Variants in PPP1R16B observed in about 807,000 individuals in gnomAD.
The protein encoded by PPP1R16B is protein phosphatase 1 regulatory inhibitor subunit 16B.
In PPP1R16B, 14 loss-of-function variants were observed where a neutral mutation model predicts 61.7. The ratio of observed to expected loss-of-function variants is 0.23; its 90% confidence interval spans 0.15 to 0.35. The LOEUF (loss-of-function observed/expected upper bound fraction) is 0.35. Among genes scored for constraint, PPP1R16B ranks in the 10% least tolerant of loss-of-function variants. The pLI is 1.00. For synonymous variants in PPP1R16B, 266 were observed against 305.3 expected (o/e 0.87, Z 1.34); for missense variants, 547 against 752.5 (o/e 0.73, Z 3.19).
At chr20:38,846,903 G>T (rs2084938727) in intron 2 of PPP1R16B, among the ~76,000 whole-genome samples, 1 of 152,190 alleles carries the variant, frequency 6.6e-6, no homozygotes, top group African/African-American at 2.4e-5. Flanking sequence ...AACTTGCGGG[G>T]TGGAGGTGGG....
intron 1 of PPP1R16B, among the ~76,000 whole-genome samples, chr20:38,825,220 G>A (rs991786561): frequency 6.6e-6 from 1 of 152,218 alleles, no homozygotes; most frequent in Non-Finnish European, 1.5e-5. Context: ...AAGGGTGTCA[G>A]TGGCGACAGT....
intron 2 of PPP1R16B, among the ~76,000 whole-genome samples, chr20:38,857,213 C>G (rs1011984994): frequency 1.6e-4 from 24 of 152,224 alleles, no homozygotes; most frequent in African/African-American, 5.8e-4. Context: ...GACAAAGAAA[C>G]AGAAGGCTCC....
intron 2 of PPP1R16B, among the ~76,000 whole-genome samples, chr20:38,840,024 C>A (rs573458182): frequency 6.6e-6 from 1 of 152,336 alleles, no homozygotes; most frequent in East Asian, 1.9e-4. Flanking sequence ...GGGAAGGGGC[C>A]AGAATACTGT....
chr20:38,808,092 C>A (rs1180062294), intron 1 of PPP1R16B, among the ~76,000 whole-genome samples: 1 of 152,196 alleles, frequency 6.6e-6, no homozygotes, highest in South Asian at 2.1e-4. Context: ...AAAGCCAGAA[C>A]CTTTCTCCTT....
At chr20:38,880,967 C>T (rs559311506) in intron 2 of PPP1R16B, among the ~76,000 whole-genome samples, 31 of 152,328 alleles carry the variant, frequency 2.0e-4, no homozygotes, top group African/African-American at 6.7e-4. Context: ...CGTCTTCACA[C>T]GGTTGTCCAA....
At chr20:38,913,842 G>A (rs1400113036) in intron 10 of PPP1R16B, among the ~76,000 whole-genome samples, 2 of 152,092 alleles carry the variant, frequency 1.3e-5, no homozygotes, top group Admixed American at 1.3e-4. Context: ...TTACCCTCAG[G>A]GTGAGTCAAA....
intron 4 of PPP1R16B, among the ~76,000 whole-genome samples, chr20:38,896,096 C>T (rs2085343224): frequency 8.3e-6 from 1 of 120,112 alleles, no homozygotes; most frequent in Admixed American, 8.3e-5. Context: ...TTCTGCCTTT[C>T]TTCTGTCTCC....
chr20:38,864,993 C>T (rs968804245), intron 2 of PPP1R16B, among the ~76,000 whole-genome samples: 3 of 152,180 alleles, frequency 2.0e-5, no homozygotes, highest in Non-Finnish European at 2.9e-5. Context: ...GGAATCATGC[C>T]GGTGGCCTCG....
At chr20:38,890,321 G>A (rs778078894) in intron 3 of PPP1R16B, among the ~76,000 whole-genome samples, 16 of 152,200 alleles carry the variant, frequency 1.1e-4, no homozygotes, top group Non-Finnish European at 2.2e-4. Context: ...CCCATAATCT[G>A]GGGATAAAGA....
intron 10 of PPP1R16B, among the ~76,000 whole-genome samples, chr20:38,908,771 A>G (rs2085466473): frequency 6.6e-6 from 1 of 152,206 alleles, no homozygotes; most frequent in Non-Finnish European, 1.5e-5. Flanking sequence ...ATGGCTTAAC[A>G]TGGTGGAAAT....
intron 1 of PPP1R16B, among the ~76,000 whole-genome samples, chr20:38,829,832 T>C (rs568374098): frequency 6.6e-5 from 10 of 152,242 alleles, no homozygotes; most frequent in South Asian, 2.1e-4. Context: ...TGCGGGTCTA[T>C]TGGGGGAAAC....
rs190080447 is a variant in PPP1R16B at position 38,818,069 on chromosome 20, G to A, written c.-102+12277G>A. 7.2e-5 allele frequency among the ~76,000 whole-genome samples: 11 copies of A among 152,282 alleles called. No homozygotes were observed. In the East Asian group the frequency reaches 1.4e-3, roughly 19 times the overall value. ...AAAAACAAAACAAAACAAAAACAGCGTGTGTGAAAGTGAGGAGGTTAGTGT... is the reference window on the plus strand; with the variant it reads ...AAAAACAAAACAAAACAAAAACAGCATGTGTGAAAGTGAGGAGGTTAGTGT... On this transcript the variant is annotated intron_variant, in intron 1 of 10. Coordinates refer to ENST00000299824, the MANE Select transcript of PPP1R16B (RefSeq NM_015568.4).
At chr20:38,809,051 A>AAAAG (rs11472915) in intron 1 of PPP1R16B, among the ~76,000 whole-genome samples, 110,723 of 150,930 alleles carry the variant, frequency 0.73, 40,740 homozygotes, top group African/African-American at 0.77. Flanking sequence ...AAAGAAAAAA[A>AAAAG]AAAGTGCTCA....
rs538579863 is a variant in PPP1R16B, at chr20:38,856,268, A to G, written c.250+20093A>G. 7.9e-5 allele frequency among the ~76,000 whole-genome samples: 12 copies of G among 152,134 alleles called. No individual in the cohort carries two copies. In the East Asian group the frequency reaches 2.3e-3, roughly 29 times the overall value. On this transcript the variant is annotated intron_variant, in intron 2 of 10. Coordinates refer to ENST00000299824, the MANE Select transcript of PPP1R16B (RefSeq NM_015568.4). Reference sequence around the variant, plus strand: ...ACTTGATGATGAAGGCCAGGCACAAAGTGGGAGTTACTGCAGTGGGGCAAC... The same window carrying G: ...ACTTGATGATGAAGGCCAGGCACAAGGTGGGAGTTACTGCAGTGGGGCAAC...
At chr20:38,840,960 T>C (rs2084905565) in intron 2 of PPP1R16B, among the ~76,000 whole-genome samples, 1 of 152,202 alleles carries the variant, frequency 6.6e-6, no homozygotes, top group Admixed American at 6.5e-5. Context: ...TCTACACTAT[T>C]CTACATTTAC....
At chr20:38,867,063 C>T (rs992207067) in intron 2 of PPP1R16B, among the ~76,000 whole-genome samples, 1 of 152,176 alleles carries the variant, frequency 6.6e-6, no homozygotes, top group Non-Finnish European at 1.5e-5. Flanking sequence ...GGTTCATCCA[C>T]GCTGTAGCAT....
chr20:38,896,088 C>G (rs536013935), intron 4 of PPP1R16B, among the ~76,000 whole-genome samples: 9 of 122,918 alleles, frequency 7.3e-5, no homozygotes, highest in African/African-American at 3.4e-4. Flanking sequence ...TCCTCCCTTT[C>G]TGCCTTTCTT....
At position 38,840,926 on chromosome 20, in the gene PPP1R16B, G is replaced by A. The variant is rs538070740; in HGVS notation, c.250+4751G>A. 8.5e-5 allele frequency among the ~76,000 whole-genome samples: 13 copies of A among 152,294 alleles called. 1 individual carries two copies. The East Asian group carries it at 1.9e-3, about 23-fold the overall frequency. The stretch of plus-strand genomic sequence containing the variant: ...GTTGAAGTGGTATGGTCAGAGCTAC[G>A]TAAGTGGTATAAATTGTTGTTATTC... On this transcript the variant is annotated intron_variant, in intron 2 of 10. Coordinates refer to ENST00000299824, the MANE Select transcript of PPP1R16B (RefSeq NM_015568.4).
At chr20:38,834,987 T>G (rs887824303) in intron 1 of PPP1R16B, among the ~76,000 whole-genome samples, 1 of 152,222 alleles carries the variant, frequency 6.6e-6, no homozygotes. Flanking sequence ...CAATGTCACT[T>G]TTCATATAGC....
Sources: allele counts gnomAD v4.1 joint callset (sites outside exome capture counted in the v4.1 genomes callset), GRCh38; gene constraint gnomAD v4.1.1; transcripts MANE v1.5; gene names NCBI Gene and HGNC (gene_info 2026-07-23, HGNC 2026-07-21).